ULK4: variants seen among roughly 807,000 people sequenced by gnomAD.
The protein encoded by ULK4 is unc-51 like kinase 4, also known as inactive serine/threonine-protein kinase ULK4.
A neutral mutation model predicts 160.6 loss-of-function variants in ULK4; 133 were observed. That is an observed-to-expected ratio of 0.83 (90% CI 0.72 to 0.96). The LOEUF is 0.96. Among genes scored for constraint, ULK4 ranks in the 40% least tolerant of loss-of-function variants. ULK4 has a pLI of 0.00. For missense variants in ULK4, 1,580 were observed against 1,499.5 expected (o/e 1.05, Z -0.89); for synonymous variants, 534 against 539.8 (o/e 0.99, Z 0.15).
At chr3:41,729,462 G>T (rs1175358866) in intron 22 of ULK4, among the ~76,000 whole-genome samples, 1 of 152,108 alleles carries the variant, frequency 6.6e-6, no homozygotes, top group Non-Finnish European at 1.5e-5. Context: ...CTTGACACTG[G>T]AGCCACTGCT....
intron 17 of ULK4, among the ~76,000 whole-genome samples, chr3:41,856,128 A>G (rs2042331689): frequency 6.6e-6 from 1 of 152,190 alleles, no homozygotes; most frequent in South Asian, 2.1e-4. Context: ...TATGTACTTC[A>G]GCATCACAGC....
At chr3:41,803,226 G>T (rs1161131852) in intron 19 of ULK4, among the ~76,000 whole-genome samples, 1 of 151,310 alleles carries the variant, frequency 6.6e-6, no homozygotes, top group African/African-American at 2.4e-5. Context: ...AAGGCAGGAA[G>T]GACATTGGAT....
chr3:41,546,767 TAAAAAAAAA>T (rs1158675738), intron 32 of ULK4, among the ~76,000 whole-genome samples: 6 of 32,538 alleles, frequency 1.8e-4, no homozygotes, highest in Admixed American at 4.2e-4. Flanking sequence ...CCTAGGCCCT[TAAAAAAAAA>T]AAAAAAAAAA....
At chr3:41,565,052 C>T (rs773469745) in intron 32 of ULK4, among the ~76,000 whole-genome samples, 27 of 152,154 alleles carry the variant, frequency 1.8e-4, no homozygotes, top group Non-Finnish European at 2.9e-4. Flanking sequence ...AAAGTGACTA[C>T]AGTATTCAGC....
chr3:41,803,107 G>A (rs1418337778), intron 19 of ULK4, among the ~76,000 whole-genome samples: 1 of 150,712 alleles, frequency 6.6e-6, no homozygotes, highest in Non-Finnish European at 1.5e-5. Context: ...GGAGGCAGAG[G>A]TTGCAGTGAG....
chr3:41,893,871 G>A (rs1698058591), intron 16 of ULK4, among the ~76,000 whole-genome samples: 1 of 152,008 alleles, frequency 6.6e-6, no homozygotes, highest in Non-Finnish European at 1.5e-5. Flanking sequence ...TTATCTCCCA[G>A]ACTAAGTTAA....
intron 35 of ULK4, among the ~76,000 whole-genome samples, chr3:41,289,990 C>G (rs2079531401): frequency 6.6e-6 from 1 of 152,138 alleles, no homozygotes; most frequent in Admixed American, 6.5e-5. Flanking sequence ...ATTCTCCTGT[C>G]TCAGCCTCCC....
At chr3:41,456,071 C>T (rs547844944) in intron 33 of ULK4, among the ~76,000 whole-genome samples, 1 of 152,050 alleles carries the variant, frequency 6.6e-6, no homozygotes, top group Non-Finnish European at 1.5e-5. Flanking sequence ...CACCACACCT[C>T]GCTAGTTTTT....
intron 34 of ULK4, among the ~76,000 whole-genome samples, chr3:41,452,498 A>G (rs1174792405): frequency 6.6e-6 from 1 of 152,194 alleles, no homozygotes; most frequent in Admixed American, 6.5e-5. Flanking sequence ...CAAGGAGTGT[A>G]AGCAAACCCA....
chr3:41,770,801 A>C (rs55744136), intron 21 of ULK4, among the ~76,000 whole-genome samples: 18,805 of 152,160 alleles, frequency 0.12, 1,323 homozygotes, highest in Middle Eastern at 0.27. Context: ...GCATGAGCCA[A>C]GATGCCCAGC....
At chr3:41,790,555 C>T (rs17062715) in intron 20 of ULK4, among the ~76,000 whole-genome samples, 11,007 of 152,128 alleles carry the variant, frequency 0.072, 1,256 homozygotes, top group African/African-American at 0.24. Flanking sequence ...AAGAAGATGA[C>T]GCTGAGCCAG....
chr3:41,752,681 C>T (rs781209530), intron 22 of ULK4, among the ~76,000 whole-genome samples: 4 of 152,144 alleles, frequency 2.6e-5, no homozygotes, highest in Admixed American at 1.3e-4. Flanking sequence ...TGTTATTTGG[C>T]AGTATCTATC....
chr3:41,377,093 T>C (rs1260381445), intron 35 of ULK4, among the ~76,000 whole-genome samples: 1 of 152,106 alleles, frequency 6.6e-6, no homozygotes, highest in Non-Finnish European at 1.5e-5. Flanking sequence ...TATCTGATCT[T>C]TGACAAACCT....
intron 35 of ULK4, among the ~76,000 whole-genome samples, chr3:41,333,876 G>A (rs1237207757): frequency 6.6e-6 from 1 of 152,128 alleles, no homozygotes; most frequent in Non-Finnish European, 1.5e-5. Context: ...CTCCAAAGAA[G>A]CTTGGGCCAT....
chr3:41,722,523 C>T (rs372206797), intron 22 of ULK4, among the ~76,000 whole-genome samples: 8 of 151,998 alleles, frequency 5.3e-5, no homozygotes, highest in Non-Finnish European at 1.0e-4. Flanking sequence ...CCCAGCTACC[C>T]GGGAGGCTGA....
At chr3:41,755,218 A>C (rs1400681712) in intron 21 of ULK4, among the ~76,000 whole-genome samples, 2 of 152,212 alleles carry the variant, frequency 1.3e-5, no homozygotes, top group Non-Finnish European at 2.9e-5. Flanking sequence ...ATAAGTTCCC[A>C]AGAGAGCTTA....
chr3:41,456,658 T>C (rs2083561814), intron 33 of ULK4, among the ~76,000 whole-genome samples: 1 of 152,218 alleles, frequency 6.6e-6, no homozygotes, highest in African/African-American at 2.4e-5. Context: ...AAAAATGGTA[T>C]GGATTATTTT....
At chr3:41,300,837 T>TTACATATA (rs1553640530) in intron 35 of ULK4, among the ~76,000 whole-genome samples, 14 of 57,876 alleles carry the variant, frequency 2.4e-4, no homozygotes, top group African/African-American at 6.4e-4. Context: ...ATTTTACAGA[T>TTACATATA]TATATATATA....
intron 27 of ULK4, among the ~76,000 whole-genome samples, chr3:41,703,237 AT>A (rs35874978): frequency 6.6e-6 from 1 of 151,180 alleles, no homozygotes; most frequent in Non-Finnish European, 1.5e-5. Context: ...CAAAATATGT[AT>A]TTTTTTTTCA....
Sources: gnomAD v4.1 joint callset for allele counts (sites outside exome capture counted in the v4.1 genomes callset) on GRCh38, gnomAD v4.1.1 for gene constraint, MANE v1.5 for transcripts, NCBI Gene and HGNC (gene_info 2026-07-23, HGNC 2026-07-21) for gene names.